CSNK1G3: variants seen among roughly 807,000 people sequenced by gnomAD.
CSNK1G3 encodes casein kinase 1 gamma 3.
Under a neutral mutation model 64.3 loss-of-function variants are expected in CSNK1G3, and 23 were observed. The ratio of observed to expected loss-of-function variants is 0.36; its 90% CI spans 0.26 to 0.51. The LOEUF (loss-of-function observed/expected upper bound fraction) is 0.51, where lower values mean the gene tolerates loss of function less well. Among genes scored for constraint, CSNK1G3 ranks in the 20% least tolerant of loss-of-function variants. The pLI, the probability that CSNK1G3 is intolerant of heterozygous loss-of-function variation, is 0.96. For synonymous variants in CSNK1G3, 158 were observed against 162.2 expected (o/e 0.97, Z 0.20); for missense variants, 357 against 510.5 (o/e 0.70, Z 2.90).
chr5:123,582,372 A>T (rs9327303), intron 6 of CSNK1G3, among the ~76,000 whole-genome samples: 4 of 152,096 alleles, frequency 2.6e-5, no homozygotes, highest in African/African-American at 9.7e-5. Flanking sequence ...TGAAGTAGTC[A>T]CTTAATCTTT....
intron 6 of CSNK1G3, among the ~76,000 whole-genome samples, chr5:123,583,685 T>G (rs1790784957): frequency 1.3e-5 from 2 of 151,708 alleles, no homozygotes; most frequent in African/African-American, 4.8e-5. Flanking sequence ...TTGATTTTTA[T>G]TTTTATTTTG....
chr5:123,601,689 G>T (rs1794528705), intron 10 of CSNK1G3, among the ~76,000 whole-genome samples: 1 of 152,146 alleles, frequency 6.6e-6, no homozygotes, highest in South Asian at 2.1e-4. Flanking sequence ...GACTACCTGA[G>T]TTTTTCATTT....
intron 6 of CSNK1G3, among the ~76,000 whole-genome samples, chr5:123,577,043 AT>A: frequency 6.6e-6 from 1 of 152,186 alleles, no homozygotes; most frequent in South Asian, 2.1e-4. Context: ...CATTATCATT[AT>A]TTATTCTGAT....
intron 1 of CSNK1G3, among the ~76,000 whole-genome samples, chr5:123,543,643 A>G (rs917705273): frequency 5.3e-5 from 8 of 152,092 alleles, no homozygotes; most frequent in African/African-American, 1.9e-4. Flanking sequence ...TGGTCAGGAA[A>G]TTGCTCCTAG....
chr5:123,575,644 T>C, intron 5 of CSNK1G3, 85 bp from the exon 6 acceptor site: 3 of 749,748 alleles, frequency 4.0e-6, no homozygotes. Flanking sequence ...TTTTGTATGT[T>C]TTCATTCTGT....
At chr5:123,558,816 TAAG>T (rs1196378927) in intron 4 of CSNK1G3, among the ~76,000 whole-genome samples, 3 of 152,152 alleles carry the variant, frequency 2.0e-5, no homozygotes, top group Non-Finnish European at 4.4e-5. Flanking sequence ...TACTAGCAAA[TAAG>T]AAGTTAAGTG....
At chr5:123,531,826 T>G (rs1163866459) in intron 1 of CSNK1G3, among the ~76,000 whole-genome samples, 1 of 151,936 alleles carries the variant, frequency 6.6e-6, no homozygotes, top group Non-Finnish European at 1.5e-5. Context: ...ATATCTCTTG[T>G]AAAAATAAAA....
At chr5:123,565,278 C>G (rs1245348090) in intron 4 of CSNK1G3, among the ~76,000 whole-genome samples, 1 of 152,092 alleles carries the variant, frequency 6.6e-6, no homozygotes, top group Non-Finnish European at 1.5e-5. Context: ...TATGTTATTA[C>G]AAAATAATTT....
intron 12 of CSNK1G3, among the ~76,000 whole-genome samples, chr5:123,609,941 A>G (rs1796028740): frequency 6.6e-6 from 1 of 152,184 alleles, no homozygotes; most frequent in East Asian, 1.9e-4. Context: ...TTTGGATGGC[A>G]GATTGGAGAG....
intron 1 of CSNK1G3, among the ~76,000 whole-genome samples, chr5:123,536,879 CA>C (rs1481986351): frequency 2.0e-5 from 3 of 152,030 alleles, no homozygotes; most frequent in African/African-American, 4.8e-5. Context: ...ATTAAAACCA[CA>C]ATGAGATATC....
At chr5:123,598,364 A>G (rs1279575114) in intron 10 of CSNK1G3, among the ~76,000 whole-genome samples, 1 of 152,190 alleles carries the variant, frequency 6.6e-6, no homozygotes, top group Non-Finnish European at 1.5e-5. Flanking sequence ...GTGTAAAGAC[A>G]TGGTGGCTGT....
At chr5:123,609,626 G>T (rs1172741884) in intron 12 of CSNK1G3, among the ~76,000 whole-genome samples, 1 of 152,150 alleles carries the variant, frequency 6.6e-6, no homozygotes, top group Non-Finnish European at 1.5e-5. Flanking sequence ...ACTCTTTTGG[G>T]AGAGAGCAAA....
At chr5:123,551,784 A>G (rs1198333082) in intron 2 of CSNK1G3, among the ~76,000 whole-genome samples, 1 of 151,788 alleles carries the variant, frequency 6.6e-6, no homozygotes, top group Non-Finnish European at 1.5e-5. Flanking sequence ...AGTTACTCTC[A>G]CTATTAAAAA....
At chr5:123,576,536 C>A (rs1433646101) in intron 6 of CSNK1G3, among the ~76,000 whole-genome samples, 1 of 152,088 alleles carries the variant, frequency 6.6e-6, no homozygotes, top group Admixed American at 6.6e-5. Flanking sequence ...TCTTCCTTCA[C>A]CCAGATTCAT....
At chr5:123,556,324 C>A (rs1784612935) in intron 3 of CSNK1G3, among the ~76,000 whole-genome samples, 1 of 152,086 alleles carries the variant, frequency 6.6e-6, no homozygotes, top group African/African-American at 2.4e-5. Flanking sequence ...TTGTTAACCT[C>A]ATCAATTCTG....
intron 10 of CSNK1G3, among the ~76,000 whole-genome samples, chr5:123,601,330 T>C (rs978792464): frequency 4.6e-5 from 7 of 152,176 alleles, no homozygotes; most frequent in African/African-American, 1.7e-4. Context: ...TGATACACTC[T>C]CAAGTCACCG....
chr5:123,561,588 G>A (rs1785729463), intron 4 of CSNK1G3, among the ~76,000 whole-genome samples: 1 of 152,128 alleles, frequency 6.6e-6, no homozygotes, highest in Non-Finnish European at 1.5e-5. Context: ...TGCAATCCTG[G>A]ACTTTTTGTA....
At chr5:123,548,217 G>T (rs977486728) in intron 2 of CSNK1G3, among the ~76,000 whole-genome samples, 10 of 152,038 alleles carry the variant, frequency 6.6e-5, no homozygotes, top group Admixed American at 2.6e-4. Flanking sequence ...TCAGAACTTT[G>T]GGAGACCAAG....
chr5:123,607,681 A>G (rs924660906), intron 12 of CSNK1G3, among the ~76,000 whole-genome samples: 1 of 152,176 alleles, frequency 6.6e-6, no homozygotes, highest in Admixed American at 6.6e-5. Flanking sequence ...ATACTAAAAG[A>G]CACTGAATTA....
Sources: gnomAD v4.1 joint callset for allele counts (sites outside exome capture counted in the v4.1 genomes callset) on GRCh38, gnomAD v4.1.1 for gene constraint, MANE v1.5 for transcripts, NCBI Gene and HGNC (gene_info 2026-07-23, HGNC 2026-07-21) for gene names.